The following ANKRD27 variants were observed in gnomAD, a reference collection of about 807,000 sequenced individuals.
The protein encoded by ANKRD27 is ankyrin repeat domain 27, also known as ankyrin repeat domain-containing protein 27.
ANKRD27 carries 112 observed loss-of-function variants against 129.7 expected under a neutral mutation model. The observed-to-expected ratio is 0.86, with a 90% CI of 0.74 to 1.01. The LOEUF is 1.01. Ranked by LOEUF, ANKRD27 falls within the 50% of genes least tolerant of loss-of-function variation. The probability of loss-of-function intolerance (pLI) is 0.00; values close to 1 mark genes in which losing one functional copy is unlikely to be tolerated. For synonymous variants in ANKRD27, 516 were observed against 511.2 expected (o/e 1.01, Z -0.13); for missense variants, 1,258 against 1,300.5 (o/e 0.97, Z 0.50).
chr19:32,648,693 G>A (rs937951273), intron 3 of ANKRD27, among the ~76,000 whole-genome samples: 2 of 151,432 alleles, frequency 1.3e-5, no homozygotes, highest in African/African-American at 2.4e-5. Flanking sequence ...CCAGCTACTC[G>A]GGAGGCTGAG....
At chr19:32,665,111 T>C (rs189374702) in intron 1 of ANKRD27, among the ~76,000 whole-genome samples, 166 of 152,122 alleles carry the variant, frequency 1.1e-3, no homozygotes, top group African/African-American at 3.9e-3. Flanking sequence ...TGAACATTTA[T>C]TTTACATGAC....
At chr19:32,642,943 CCA>C (rs969037636) in intron 9 of ANKRD27, 178 bp downstream of exon 9, 12 of 640,056 alleles carry the variant, frequency 1.9e-5, no homozygotes, top group African/African-American at 1.7e-4. Flanking sequence ...AGGGGGACGG[CCA>C]CACACAGTCA....
At chr19:32,622,368 G>T in intron 18 of ANKRD27, 54 bp downstream of exon 18, 1 of 1,584,170 alleles carries the variant, frequency 6.3e-7, no homozygotes, top group South Asian at 1.1e-5. Flanking sequence ...CCTAAGCTAC[G>T]GACATCGATC....
At position 32,604,270 on chromosome 19, in the gene ANKRD27, GCA is replaced by G. The variant is rs1568395062; in HGVS notation, c.2646_2647del (p.Ala883Ter). 3.1e-6 allele frequency: 5 copies of G among 1,608,286 alleles called. No homozygotes were observed. The highest frequency in any genetic ancestry group is 4.3e-6 in the Non-Finnish European group (5 of 1,176,360). On this transcript the variant is annotated frameshift_variant, in exon 25 of 29. Coordinates refer to ENST00000306065, the MANE Select transcript of ANKRD27 (RefSeq NM_032139.3). LOFTEE classifies it high-confidence loss of function. Reference sequence around the variant, plus strand: ...TCGACCCTCTCCACCTACCTGTTCAGCACAGTCTACAGCCGTGCGCTGCCGCT... The same window carrying G: ...TCGACCCTCTCCACCTACCTGTTCAGCAGTCTACAGCCGTGCGCTGCCGCT...
rs1330306010 is a variant in ANKRD27, at chr19:32,632,070, C to A, written c.1117-576G>T. On this transcript the variant is annotated intron_variant, in intron 12 of 28. Transcript: ENST00000306065. ...TTGGGAGGCTGAGGTGAACGGATCACCTGAGGTCAGGAGTTCAATACGAGC... is the reference window on the plus strand; with the variant it reads ...TTGGGAGGCTGAGGTGAACGGATCAACTGAGGTCAGGAGTTCAATACGAGC... Among the ~76,000 whole-genome samples the A allele has an allele frequency of 2.0e-5, 3 of 152,166 alleles. No individual in the cohort carries two copies. The East Asian group carries it at 5.8e-4, about 29-fold the overall frequency.
At chr19:32,646,684 C>T (rs1166073286) in intron 3 of ANKRD27, 69 bp from the exon 4 acceptor site, 16 of 1,533,798 alleles carry the variant, frequency 1.0e-5, no homozygotes, top group East Asian at 2.3e-5. Flanking sequence ...GCCTGGCCCC[C>T]GATGCAGCAC....
chr19:32,621,208 G>A (rs557567207), intron 18 of ANKRD27, among the ~76,000 whole-genome samples: 8 of 152,200 alleles, frequency 5.3e-5, no homozygotes, highest in East Asian at 1.9e-4. Flanking sequence ...CTGGCCAGGC[G>A]CAGTGGCTCA....
intron 12 of ANKRD27, among the ~76,000 whole-genome samples, chr19:32,633,278 G>C (rs1967031246): frequency 6.6e-6 from 1 of 151,512 alleles, no homozygotes; most frequent in Non-Finnish European, 1.5e-5. Context: ...AAGGCCAGAA[G>C]CATGCAAAGC....
At chr19:32,656,271 A>T (rs1479077520) in intron 2 of ANKRD27, among the ~76,000 whole-genome samples, 1 of 152,190 alleles carries the variant, frequency 6.6e-6, no homozygotes, top group South Asian at 2.1e-4. Flanking sequence ...ATAAAGATAT[A>T]TATGAAAATA....
At chr19:32,635,925 C>T (rs1030891681) in intron 12 of ANKRD27, among the ~76,000 whole-genome samples, 3 of 152,318 alleles carry the variant, frequency 2.0e-5, no homozygotes, top group East Asian at 1.9e-4. Flanking sequence ...GATTCAGCTG[C>T]GTCCGTGACC....
intron 23 of ANKRD27, among the ~76,000 whole-genome samples, chr19:32,606,661 G>A (rs982539466): frequency 6.7e-5 from 5 of 74,810 alleles, no homozygotes; most frequent in Non-Finnish European, 1.8e-4. Context: ...TCGCCACTCC[G>A]AATTTACAGA....
At chr19:32,666,888 C>T (rs1284734511) in intron 1 of ANKRD27, among the ~76,000 whole-genome samples, 8 of 152,094 alleles carry the variant, frequency 5.3e-5, no homozygotes, top group Non-Finnish European at 8.8e-5. Context: ...CTCAAGTGAT[C>T]CGCCCACCTC....
intron 23 of ANKRD27, among the ~76,000 whole-genome samples, chr19:32,607,392 G>C (rs1971760183): frequency 6.6e-6 from 1 of 152,106 alleles, no homozygotes. Flanking sequence ...GAATCAGAAT[G>C]ACAACCTCGG....
chr19:32,646,466 C>G lies in ANKRD27; in HGVS notation c.363G>C (p.Glu121Asp). The change falls in exon 4 of 29, where the codon GAG becomes GAC. Residue 121 changes from glutamate to aspartate, a missense_variant. By Grantham distance (45) the Glu-to-Asp change is conservative. Coordinates refer to ENST00000306065, the MANE Select transcript of ANKRD27 (RefSeq NM_032139.3). ...LCIAHPLEKR[E>D]SSEEPLAPSD... ...TTTTTTCTCCCAGAATACCTGAACTCTCTCTCTTTTCCAAAGGATGGGCTA... is the reference window on the plus strand; with the variant it reads ...TTTTTTCTCCCAGAATACCTGAACTGTCTCTCTTTTCCAAAGGATGGGCTA... The G allele has an allele frequency of 6.2e-7, 1 of 1,604,614 alleles. No homozygotes were observed. Among genetic ancestry groups the G allele is most frequent in the Non-Finnish European group, 8.5e-7 (1 of 1,177,438 alleles).
chr19:32,600,809 G>A (rs1278930047), intron 26 of ANKRD27, among the ~76,000 whole-genome samples: 1 of 151,936 alleles, frequency 6.6e-6, no homozygotes, highest in African/African-American at 2.4e-5. Context: ...CGAGATATGT[G>A]AATGGGTTTA....
At chr19:32,607,871 T>C in intron 22 of ANKRD27, 39 bp from the exon 23 acceptor site, 1 of 1,564,314 alleles carries the variant, frequency 6.4e-7, no homozygotes, top group Non-Finnish European at 8.7e-7. Flanking sequence ...ACGTCATCAG[T>C]ATTGAAGAAA....
In ANKRD27 at chr19:32,628,518, C is replaced by T. The variant is rs149001994; in HGVS notation, c.1337+204G>A. Among the ~76,000 whole-genome samples, 262 of 152,356 alleles carry T rather than the reference C, an allele frequency of 1.7e-3. 1 individual carries two copies. The highest frequency in any genetic ancestry group is 6.0e-3 in the African/African-American group (248 of 41,578). ...AACCAGCCTACCCTGGCAGCCAGCC[C>T]GCCAGTGAGCAAGTGCTTTGACAAC... On this transcript the variant is annotated intron_variant, in intron 14 of 28. Transcript: ENST00000306065.
chr19:32,615,776 C>T lies in ANKRD27; in HGVS notation c.2057G>A (p.Arg686His), dbSNP rs753811681. 5.0e-5 allele frequency: 81 copies of T among 1,612,516 alleles called. No homozygotes were observed. The highest frequency in any genetic ancestry group is 1.6e-4 in the Middle Eastern group (1 of 6,078). ...AVADGDLEMV[R>H]YLLEWTEEDL... ...CTCCTCTGTCCATTCCAACAGGTAA[C>T]GCACCTGGTGATGGAGAGTAACGGA... The change falls in exon 22 of 29, where the codon CGT becomes CAT. Residue 686 changes from arginine (R) to histidine (H), a missense_variant. Physicochemically the swap from Arg to His is conservative, Grantham distance 29. Coordinates refer to ENST00000306065, the MANE Select transcript of ANKRD27 (RefSeq NM_032139.3).
chr19:32,658,939 C>T lies in ANKRD27; in HGVS notation c.77G>A (p.Ser26Asn). 6.2e-7 allele frequency: 1 copy of T among 1,614,082 alleles called. No individual in the cohort carries two copies. The highest frequency in any genetic ancestry group is 8.5e-7 in the Non-Finnish European group (1 of 1,180,002). The stretch of plus-strand genomic sequence containing the variant: ...AATGCCATGGATTTGGGCCACTTTG[C>T]TGCACAAGTCAGGGCGGCACTTTTG... ...ALQKCRPDLC[S>N]KVAQIHGIVL... The change falls in exon 2 of 29, where the codon AGC becomes AAC. Residue 26 changes from serine to asparagine, a missense_variant. Transcript: ENST00000306065.
Sources: allele counts gnomAD v4.1 joint callset (sites outside exome capture counted in the v4.1 genomes callset), GRCh38; gene constraint gnomAD v4.1.1; transcripts MANE v1.5; gene names NCBI Gene and HGNC (gene_info 2026-07-23, HGNC 2026-07-21).